Variants in SETD9 observed in about 807,000 individuals in gnomAD.
SETD9 encodes the protein SET domain containing 9.
Under a neutral mutation model 36.4 loss-of-function variants are expected in SETD9, and 37 were observed. The observed-to-expected ratio is 1.02, with a 90% CI of 0.78 to 1.34. The LOEUF (loss-of-function observed/expected upper bound fraction) is 1.34. Ranked by LOEUF, SETD9 falls within the 40% of genes most tolerant of loss-of-function variation. The pLI, the probability that SETD9 is intolerant of heterozygous loss-of-function variation, is 0.00. For missense variants in SETD9, 323 were observed against 353.2 expected, an observed-to-expected ratio of 0.91 and a Z score of 0.69; for synonymous variants, 128 against 132.9, an observed-to-expected ratio of 0.96 and a Z score of 0.26.
At chr5:56,923,608 T>G (rs1561229293) in intron 5 of SETD9, 1 of 1,611,372 alleles carries the variant, frequency 6.2e-7, no homozygotes, top group Admixed American at 1.7e-5. Flanking sequence ...GGAAAATTGT[T>G]TAAGTAAGTG....
At chr5:56,913,791 C>A in intron 3 of SETD9, 83 bp from the exon 4 acceptor site, 10 of 669,314 alleles carry the variant, frequency 1.5e-5, no homozygotes, top group South Asian at 7.8e-5. Flanking sequence ...AGAAAAAATG[C>A]ACTGGTGTAA....
downstream of SETD9, among the ~76,000 whole-genome samples, chr5:56,918,317 T>C (rs547976458): frequency 1.2e-4 from 18 of 152,280 alleles, no homozygotes; most frequent in African/African-American, 3.8e-4. Context: ...GACAGCCACA[T>C]AGCTTGTTCT....
chr5:56,909,854 G>C, intron 1 of SETD9, 111 bp downstream of exon 1: 1 of 994,702 alleles, frequency 1.0e-6, no homozygotes, highest in Non-Finnish European at 1.5e-6. Flanking sequence ...GCCTGAGATG[G>C]GCGGGCCCGG....
At chr5:56,927,668 T>C (rs1424419199), downstream of SETD9, among the ~76,000 whole-genome samples, 5 of 151,950 alleles carry the variant, frequency 3.3e-5, no homozygotes, top group Non-Finnish European at 4.4e-5. Flanking sequence ...ACATCCTACA[T>C]TGGAGTAGTG....
intron 2 of SETD9, 134 bp downstream of exon 2, chr5:56,911,670 C>G: frequency 1.0e-6 from 1 of 1,004,982 alleles, no homozygotes; most frequent in Non-Finnish European, 1.4e-6. Flanking sequence ...TAGATTTTTG[C>G]AATTCTAATT....
chr5:56,917,939 G>A (rs778019933), downstream of SETD9, among the ~76,000 whole-genome samples: 82 of 152,134 alleles, frequency 5.4e-4, 1 homozygote, highest in Non-Finnish European at 1.1e-3. Context: ...ACCAGATTCT[G>A]ATTACCTTCA....
chr5:56,928,873 T>A, downstream of SETD9: 1 of 1,607,304 alleles, frequency 6.2e-7, no homozygotes, highest in Non-Finnish European at 8.5e-7. Flanking sequence ...TAAGAAAAAT[T>A]TTAAAATAAA....
chr5:56,920,324 A>AGTT (rs1448082765), downstream of SETD9: 2 of 152,598 alleles, frequency 1.3e-5, no homozygotes, highest in Non-Finnish European at 2.9e-5. Context: ...TCACAGCACC[A>AGTT]GTTACACTTC....
chr5:56,910,199 C>G lies in SETD9; in HGVS notation c.98+456C>G, dbSNP rs1011780644. 3.2e-6 allele frequency: 4 copies of G among 1,251,132 alleles called. No individual in the cohort carries two copies. In the African/African-American group the frequency reaches 4.7e-5, roughly 15 times the overall value. 77.5% of individuals were successfully genotyped at this position (1,251,132 alleles called of 1,614,324 possible). A position where few individuals can be genotyped will look rare whatever the true frequency, so the allele number is the denominator to read the frequency against. ...ACCGCGTGAGAGTGCGTGGCTTTTT[C>G]TCCACCAGGGGTTAATTAGGTGCTT... On this transcript the variant is annotated intron_variant, in intron 1 of 5. Transcript: ENST00000285947.
chr5:56,912,331 T>A (rs1749181914), intron 2 of SETD9: 1 of 728,908 alleles, frequency 1.4e-6, no homozygotes, highest in Admixed American at 6.3e-5. Flanking sequence ...AAACTAACAT[T>A]ATATTATTTG....
intron 5 of SETD9, among the ~76,000 whole-genome samples, chr5:56,915,382 G>C (rs954320646): frequency 1.3e-5 from 2 of 152,058 alleles, no homozygotes; most frequent in African/African-American, 2.4e-5. Flanking sequence ...TCACTATTAG[G>C]TTCTTAATAA....
downstream of SETD9, chr5:56,921,261 A>G (rs1006939897): frequency 1.3e-5 from 2 of 152,556 alleles, no homozygotes; most frequent in Admixed American, 1.3e-4. Context: ...ATCTTACTAA[A>G]TTATAGAAAG....
At position 56,916,986 on chromosome 5, in the gene SETD9, T is replaced by G. The variant is rs1320279177; in HGVS notation, c.*84T>G. The stretch of plus-strand genomic sequence containing the variant: ...GTTAATCACTTCTCTGAGTTCTACC[T>G]GTAAAACAAATATTTTGAGACTTAA... On this transcript the variant is annotated 3_prime_UTR_variant, in exon 6 of 6. Coordinates refer to ENST00000285947, the MANE Select transcript of SETD9 (RefSeq NM_153706.4). The G allele has an allele frequency of 1.4e-6, 2 of 1,422,728 alleles. No individual in the cohort carries two copies. The highest frequency in any genetic ancestry group is 3.0e-5 in the African/African-American group (2 of 66,980). 88.1% of individuals were successfully genotyped at this position (1,422,728 alleles called of 1,614,324 possible). A position where few individuals can be genotyped will look rare whatever the true frequency, so the allele number is the denominator to read the frequency against.
intron 1 of SETD9, 138 bp from the exon 2 acceptor site, chr5:56,911,031 T>C (rs1414622770): frequency 1.0e-6 from 1 of 986,268 alleles, no homozygotes; most frequent in Non-Finnish European, 1.4e-6. Context: ...ACAATTCTTT[T>C]CTGAACTTAG....
downstream of SETD9, chr5:56,921,265 TAG>T (rs1749658450): frequency 1.3e-5 from 2 of 152,534 alleles, no homozygotes; most frequent in South Asian, 4.1e-4. Flanking sequence ...TACTAAATTA[TAG>T]AAAGTGTACT....
chr5:56,924,568 C>T (rs981208526), intron 5 of SETD9, among the ~76,000 whole-genome samples: 3 of 152,160 alleles, frequency 2.0e-5, no homozygotes, highest in Admixed American at 1.3e-4. Flanking sequence ...GCAAATGGAC[C>T]AACGGTCTAC....
chr5:56,927,500 A>AT (rs1750050503), downstream of SETD9, among the ~76,000 whole-genome samples: 9 of 152,324 alleles, frequency 5.9e-5, no homozygotes, highest in South Asian at 1.9e-3. Flanking sequence ...AAAAGAGGAA[A>AT]TAAACAGAGC....
At chr5:56,921,569 AC>A (rs1561226969), downstream of SETD9, 2 of 152,616 alleles carry the variant, frequency 1.3e-5, no homozygotes, top group African/African-American at 4.8e-5. Flanking sequence ...ACAAGAATAC[AC>A]ATCATCCAAA....
At chr5:56,924,830 A>C (rs1157811526) in intron 5 of SETD9, among the ~76,000 whole-genome samples, 1 of 152,246 alleles carries the variant, frequency 6.6e-6, no homozygotes, top group Non-Finnish European at 1.5e-5. Context: ...CCCGATAAAG[A>C]AGTTTCAGTA....
Sources: allele counts gnomAD v4.1 joint callset (sites outside exome capture counted in the v4.1 genomes callset), GRCh38; gene constraint gnomAD v4.1.1; transcripts MANE v1.5; gene names NCBI Gene and HGNC (gene_info 2026-07-23, HGNC 2026-07-21).